The following WDR36 variants were observed in gnomAD, a reference collection of about 807,000 sequenced individuals.
The protein encoded by WDR36 is WD repeat-containing protein 36.
Under a neutral mutation model 112.7 loss-of-function variants are expected in WDR36, and 63 were observed. The observed-to-expected ratio is 0.56, with a 90% confidence interval of 0.46 to 0.69. WDR36 has a LOEUF of 0.69. WDR36 is among the 30% of genes least tolerant of loss of function. The probability of loss-of-function intolerance (pLI) is 0.00; values close to 1 mark genes in which losing one functional copy is unlikely to be tolerated. For synonymous variants in WDR36, 410 were observed against 362.2 expected, an observed-to-expected ratio of 1.13 and a Z score of -1.50; for missense variants, 1,226 against 1,070.3, an observed-to-expected ratio of 1.15 and a Z score of -2.03.
At chr5:111,096,927 T>G in intron 2 of WDR36, 152 bp from the exon 3 acceptor site, 2 of 587,044 alleles carry the variant, frequency 3.4e-6, no homozygotes, top group Non-Finnish European at 6.0e-6. Context: ...TCTAAAATAT[T>G]TTAGTTAAAA....
At chr5:111,097,305 T>C in intron 3 of WDR36, 126 bp downstream of exon 3, 1 of 722,648 alleles carries the variant, frequency 1.4e-6, no homozygotes. Context: ...TTTTTTCTAA[T>C]GTATATTCAG....
chr5:111,120,660 T>C, intron 18 of WDR36, 67 bp downstream of exon 18: 1 of 1,338,376 alleles, frequency 7.5e-7, no homozygotes, highest in Admixed American at 1.7e-5. Flanking sequence ...GAGATATTGC[T>C]ACCAAAGGCA....
intron 14 of WDR36, 94 bp from the exon 15 acceptor site, chr5:111,111,076 C>G (rs1315437768): frequency 6.4e-7 from 1 of 1,552,940 alleles, no homozygotes; most frequent in Non-Finnish European, 8.9e-7. Context: ...TTAATTTCCC[C>G]CAAAGTGTAC....
At chr5:111,116,698 GGCAGTGTA>G (rs1731609905) in intron 16 of WDR36, among the ~76,000 whole-genome samples, 2 of 152,142 alleles carry the variant, frequency 1.3e-5, no homozygotes, top group South Asian at 4.1e-4. Flanking sequence ...GAACTAATGT[GGCAGTGTA>G]GAATATGCTG....
At chr5:111,124,065 A>G in intron 20 of WDR36, 43 bp from the exon 21 acceptor site, 1 of 1,604,760 alleles carries the variant, frequency 6.2e-7, no homozygotes, top group Non-Finnish European at 8.5e-7. Context: ...TTTTTGGGTG[A>G]TACTTGAATT....
intron 6 of WDR36, among the ~76,000 whole-genome samples, chr5:111,102,752 T>C (rs1159591487): frequency 6.6e-6 from 1 of 151,632 alleles, no homozygotes; most frequent in Non-Finnish European, 1.5e-5. Context: ...GTAGAGAAAT[T>C]TGTCAAGATG....
intron 16 of WDR36, 24 bp from the exon 17 acceptor site, chr5:111,118,989 T>A: frequency 6.3e-7 from 1 of 1,582,100 alleles, no homozygotes. Flanking sequence ...TCAAATACTT[T>A]TAACATGTTA....
intron 16 of WDR36, among the ~76,000 whole-genome samples, chr5:111,116,809 A>C (rs1413457457): frequency 3.9e-5 from 6 of 152,218 alleles, no homozygotes; most frequent in Non-Finnish European, 7.3e-5. Context: ...GAAGTTACAC[A>C]ATGAAGTTGA....
intron 12 of WDR36, 44 bp from the exon 13 acceptor site, chr5:111,110,145 A>C: frequency 7.2e-7 from 1 of 1,392,776 alleles, no homozygotes; most frequent in Non-Finnish European, 1.0e-6. Flanking sequence ...AAGTGCAATA[A>C]AAATGTTAGT....
intron 13 of WDR36, 127 bp from the exon 14 acceptor site, chr5:111,110,660 AT>A: frequency 9.5e-7 from 1 of 1,052,344 alleles, no homozygotes; most frequent in Non-Finnish European, 1.4e-6. Flanking sequence ...ATCCAGATTA[AT>A]TTCAAGATTT....
chr5:111,123,033 C>T (rs1037917238), intron 19 of WDR36, among the ~76,000 whole-genome samples: 3 of 151,806 alleles, frequency 2.0e-5, no homozygotes, highest in East Asian at 3.9e-4. Flanking sequence ...TGCTTGAACC[C>T]GGGAGGCGGA....
Position 111,098,756 on chromosome 5 carries a change from TC to T in WDR36, c.328del (p.His110IlefsTer33). 1 of 1,612,282 alleles carries T rather than the reference TC, an allele frequency of 6.2e-7. No homozygotes were observed. The highest frequency in any genetic ancestry group is 8.5e-7 in the Non-Finnish European group (1 of 1,178,558). ...ACCTTTAAGGGTCATAAGGCAGAAA[TC>T]CATTTCTTGCAACCCTTTGGAGACC... is the stretch of plus-strand genomic sequence containing the variant. Reference protein sequence around the residue: ...VHTFKGHKAEIHFLQPFGDHI... With the variant: ...VHTFKGHKAEXHFLQPFGDHI... On this transcript the variant is annotated frameshift_variant, in exon 4 of 23. Coordinates refer to ENST00000513710, the MANE Select transcript of WDR36 (RefSeq NM_139281.3). LOFTEE classifies it high-confidence loss of function.
At position 111,126,921 on chromosome 5, in the gene WDR36, A is replaced by G; in HGVS notation, c.*38A>G. ...GACTAAACAAAGACTTTCATATTAA[A>G]TGGGTTCAATTGAACTCATTTCTTA... On this transcript the variant is annotated 3_prime_UTR_variant, in exon 23 of 23. Coordinates refer to ENST00000513710, the MANE Select transcript of WDR36 (RefSeq NM_139281.3). 7.8e-6 allele frequency: 12 copies of G among 1,533,294 alleles called. No individual in the cohort carries two copies. Among genetic ancestry groups the G allele is most frequent in the Non-Finnish European group, 1.1e-5 (12 of 1,131,754 alleles). 95.0% of individuals were successfully genotyped at this position (1,533,294 alleles called of 1,614,324 possible).
chr5:111,099,076 A>T (rs1270328775), intron 4 of WDR36, among the ~76,000 whole-genome samples: 1 of 152,190 alleles, frequency 6.6e-6, no homozygotes, highest in Non-Finnish European at 1.5e-5. Flanking sequence ...TGTATTTTCC[A>T]TTGCAGTTCT....
Position 111,107,216 on chromosome 5 carries a change from A to G in WDR36, c.1181-78A>G, listed in dbSNP as rs1753237504. 5.3e-6 allele frequency: 8 copies of G among 1,521,820 alleles called. No individual in the cohort carries two copies. In the East Asian group the frequency reaches 1.9e-4, roughly 37 times the overall value. 94.3% of individuals were successfully genotyped at this position (1,521,820 alleles called of 1,614,324 possible). On this transcript the variant is annotated intron_variant, in intron 11 of 22. Coordinates refer to ENST00000513710, the MANE Select transcript of WDR36 (RefSeq NM_139281.3). The stretch of plus-strand genomic sequence containing the variant: ...TTACCATTGTATCCCTAGTGTCTGA[A>G]ATATTGGATGCCTAATAAGTAATAA...
In WDR36 at chr5:111,100,685, A is replaced by T; in HGVS notation, c.506A>T (p.Glu169Val). ...TYLNKILLGS[E>V]QGSLQLWNVK... ...TTGAATAAAATACTTCTGGGCAGTG[A>T]ACAAGGAAGCCTGCAGTTGTGGAAT... The change falls in exon 5 of 23, where the codon GAA (glutamate) becomes GTA (valine). Residue 169 changes from glutamate to valine, a missense_variant. Coordinates refer to ENST00000513710, the MANE Select transcript of WDR36 (RefSeq NM_139281.3). The T allele has an allele frequency of 6.2e-7, 1 of 1,609,332 alleles. No individual in the cohort carries two copies. Among genetic ancestry groups the T allele is most frequent in the South Asian group, 1.1e-5 (1 of 90,538 alleles).
chr5:111,100,736 T>A lies in WDR36; in HGVS notation c.542+15T>A. On this transcript the variant is annotated intron_variant, in intron 5 of 22. Transcript: ENST00000513710. ...GTAAAATCCAAGTAAGTATTTTAGT[T>A]AGAAAATAATATAGCTGTCACCTTA... The A allele has an allele frequency of 6.2e-7, 1 of 1,605,520 alleles. No individual in the cohort carries two copies.
At chr5:111,117,354 C>T (rs901089563) in intron 16 of WDR36, among the ~76,000 whole-genome samples, 7 of 152,066 alleles carry the variant, frequency 4.6e-5, no homozygotes, top group African/African-American at 7.2e-5. Context: ...TTGAGAGAGG[C>T]GTTTTACCAT....
chr5:111,106,814 G>T (rs1753229272), intron 11 of WDR36, among the ~76,000 whole-genome samples: 1 of 151,088 alleles, frequency 6.6e-6, no homozygotes, highest in Non-Finnish European at 1.5e-5. Flanking sequence ...TGATTGCCTT[G>T]CCCTACTCCT....
Sources: allele counts gnomAD v4.1 joint callset (sites outside exome capture counted in the v4.1 genomes callset), GRCh38; gene constraint gnomAD v4.1.1; transcripts MANE v1.5; gene names NCBI Gene and HGNC (gene_info 2026-07-23, HGNC 2026-07-21).